The following RPH3AL variants were observed in gnomAD, a reference collection of about 807,000 sequenced individuals.
RPH3AL encodes the protein rabphilin 3A like (without C2 domains), also known as rab effector Noc2.
RPH3AL carries 38 observed loss-of-function variants against 43.1 expected under a neutral mutation model. The observed-to-expected ratio is 0.88, with a 90% CI of 0.68 to 1.15. RPH3AL has a LOEUF of 1.15. Among genes scored for constraint, RPH3AL ranks in the 50% most tolerant of loss-of-function variants. RPH3AL has a pLI of 0.00. For synonymous variants in RPH3AL, 189 were observed against 176.3 expected (o/e 1.07, Z -0.57); for missense variants, 462 against 423.2 (o/e 1.09, Z -0.81).
intron 5 of RPH3AL, among the ~76,000 whole-genome samples, chr17:301,699 A>G (rs1481985547): frequency 6.6e-6 from 1 of 152,100 alleles, no homozygotes; most frequent in Non-Finnish European, 1.5e-5. Context: ...TCGGCCTCCC[A>G]AAGTCCTGGA....
At chr17:278,867 G>C (rs2042718625) in intron 6 of RPH3AL, among the ~76,000 whole-genome samples, 1 of 152,142 alleles carries the variant, frequency 6.6e-6, no homozygotes, top group Admixed American at 6.5e-5. Flanking sequence ...CTGGTGAAAG[G>C]GCATAACACA....
chr17:265,333 C>T (rs544245766), intron 6 of RPH3AL, among the ~76,000 whole-genome samples: 3 of 152,264 alleles, frequency 2.0e-5, no homozygotes, highest in South Asian at 2.1e-4. Context: ...TATACTCAAG[C>T]GATCCTCCCA....
At chr17:257,910 G>A (rs1461783542) in intron 6 of RPH3AL, among the ~76,000 whole-genome samples, 1 of 97,044 alleles carries the variant, frequency 1.0e-5, no homozygotes, top group South Asian at 3.6e-4. Flanking sequence ...ACTACCCTAC[G>A]TACTTCCTAT....
chr17:263,484 C>T (rs2042248435), intron 6 of RPH3AL, among the ~76,000 whole-genome samples: 1 of 152,136 alleles, frequency 6.6e-6, no homozygotes, highest in Non-Finnish European at 1.5e-5. Context: ...TGGCAAGGAG[C>T]CGCCGGGCGA....
chr17:252,715 G>C (rs947770055), intron 6 of RPH3AL, among the ~76,000 whole-genome samples: 1 of 152,220 alleles, frequency 6.6e-6, no homozygotes, highest in African/African-American at 2.4e-5. Flanking sequence ...CCTTAGGAAA[G>C]ACGGGTTGAT....
intron 5 of RPH3AL, among the ~76,000 whole-genome samples, chr17:297,489 C>G (rs1317799161): frequency 6.6e-6 from 1 of 152,198 alleles, no homozygotes; most frequent in African/African-American, 2.4e-5. Flanking sequence ...GGATCTGATG[C>G]TACCTCCGGG....
At chr17:269,017 T>C (rs1044846750) in intron 6 of RPH3AL, among the ~76,000 whole-genome samples, 9 of 152,188 alleles carry the variant, frequency 5.9e-5, no homozygotes, top group South Asian at 4.1e-4. Context: ...TAGCTGGGAC[T>C]ACAGGCGCCC....
chr17:315,768 C>T (rs1385226482), intron 5 of RPH3AL, among the ~76,000 whole-genome samples: 4 of 146,842 alleles, frequency 2.7e-5, no homozygotes, highest in Non-Finnish European at 5.9e-5. Context: ...GACCTTTAGT[C>T]CCCGTGACCC....
intron 5 of RPH3AL, among the ~76,000 whole-genome samples, chr17:305,265 G>C (rs79181323): frequency 6.6e-6 from 1 of 151,936 alleles, no homozygotes; most frequent in African/African-American, 2.4e-5. Flanking sequence ...GGCCGAGTTG[G>C]GACTCAGGGT....
At chr17:242,675 ACT>A in intron 7 of RPH3AL, among the ~76,000 whole-genome samples, 1 of 125,982 alleles carries the variant, frequency 7.9e-6, no homozygotes, top group Admixed American at 8.0e-5. Context: ...TCCTCTATTG[ACT>A]ACCTTCCTCT....
intron 6 of RPH3AL, among the ~76,000 whole-genome samples, chr17:276,994 T>G (rs995381902): frequency 3.9e-5 from 6 of 152,132 alleles, no homozygotes; most frequent in Non-Finnish European, 4.4e-5. Context: ...TTTAATTACA[T>G]AAAATTACAG....
intron 2 of RPH3AL, among the ~76,000 whole-genome samples, chr17:327,966 C>G (rs979659255): frequency 3.3e-5 from 5 of 152,182 alleles, no homozygotes; most frequent in African/African-American, 1.2e-4. Flanking sequence ...CGTCACCCAG[C>G]AGGAGGGGCT....
Position 213,773 on chromosome 17 carries a change from C to T in RPH3AL, c.*79G>A. On this transcript the variant is annotated 3_prime_UTR_variant, in exon 10 of 10. Transcript: ENST00000331302. Reference sequence around the variant, plus strand: ...GCCAACAGGGTGTCTGGTGAGGGCACAAGGACCGGTCAGGGAGGAGCCGGG... The same window carrying T: ...GCCAACAGGGTGTCTGGTGAGGGCATAAGGACCGGTCAGGGAGGAGCCGGG... 2.5e-6 allele frequency: 3 copies of T among 1,199,942 alleles called. No individual in the cohort carries two copies. The East Asian group carries it at 7.3e-5, about 29-fold the overall frequency. The allele number at this position is 1,199,942 out of a possible 1,614,324, so 74.3% of individuals were successfully genotyped here.
rs377250416 is a variant in RPH3AL, at chr17:257,662, C to T, written c.439-10377G>A. On this transcript the variant is annotated intron_variant, in intron 6 of 9. Coordinates refer to ENST00000331302, the MANE Select transcript of RPH3AL (RefSeq NM_006987.4). ...CCTACGTACTTCCTATGAGGGGAGC[C>T]GCACGGCGTCTGTCCTTTTCCGTCC... is the stretch of plus-strand genomic sequence containing the variant. 1.1e-3 allele frequency among the ~76,000 whole-genome samples: 47 copies of T among 43,126 alleles called. 4 individuals are homozygous for T. The highest frequency in any genetic ancestry group is 3.8e-3 in the South Asian group (3 of 794). 28.3% of individuals were successfully genotyped at this position (43,126 alleles called of 152,430 possible).
At chr17:265,364 G>A (rs1281734875) in intron 6 of RPH3AL, among the ~76,000 whole-genome samples, 1 of 152,280 alleles carries the variant, frequency 6.6e-6, no homozygotes, top group East Asian at 1.9e-4. Context: ...TCAAAGTGCT[G>A]GGATTACAGG....
rs1212196567 is a variant in RPH3AL, at chr17:245,321, G to A, written c.613+1790C>T. On this transcript the variant is annotated intron_variant, in intron 7 of 9. Transcript: ENST00000331302. The surrounding 1 kb of genome is among the most constrained non-coding windows in gnomAD (Gnocchi z 5.9). The stretch of plus-strand genomic sequence containing the variant: ...TGTGGATGTGTGTGTGGATGTGGAT[G>A]TCAGTGTGTGTGTGTGGATGTGAGT... Among the ~76,000 whole-genome samples the A allele has an allele frequency of 6.7e-6, 1 of 150,212 alleles. No homozygotes were observed. Among genetic ancestry groups the A allele is most frequent in the East Asian group, 2.0e-4 (1 of 5,094 alleles).
At chr17:348,873 T>A (rs1333475204) in intron 1 of RPH3AL, 1 of 152,202 alleles carries the variant, frequency 6.6e-6, no homozygotes, top group African/African-American at 2.4e-5. Flanking sequence ...ACAGTTGGAA[T>A]CTGTGTTTAT....
chr17:321,642 C>A (rs1332213875), intron 3 of RPH3AL: 8 of 471,580 alleles, frequency 1.7e-5, no homozygotes, highest in Non-Finnish European at 3.0e-5. Flanking sequence ...GTTCCGTGTG[C>A]CGGGGTTGGG....
At chr17:351,807 A>G (rs995337163) in intron 1 of RPH3AL, among the ~76,000 whole-genome samples, 1 of 152,262 alleles carries the variant, frequency 6.6e-6, no homozygotes, top group Non-Finnish European at 1.5e-5. Context: ...GCAGATGAAA[A>G]AAAACAAGTT....
Sources: gnomAD v4.1 joint callset for allele counts (sites outside exome capture counted in the v4.1 genomes callset) on GRCh38, gnomAD v4.1.1 for gene constraint, Gnocchi (gnomAD v3.1) non-coding constraint, MANE v1.5 for transcripts, NCBI Gene and HGNC (gene_info 2026-07-23, HGNC 2026-07-21) for gene names.